Variants in PANK2 observed in about 807,000 individuals in gnomAD.
PANK2 encodes pantothenate kinase 2, mitochondrial.
PANK2 carries 36 observed loss-of-function variants against 43.1 expected under a neutral mutation model. The observed-to-expected ratio is 0.84, with a 90% confidence interval of 0.64 to 1.10. The LOEUF is 1.10. Ranked by LOEUF, PANK2 falls within the 50% of genes least tolerant of loss-of-function variation. The pLI is 0.00. For missense variants in PANK2, 576 were observed against 593.3 expected, an observed-to-expected ratio of 0.97 and a Z score of 0.30; for synonymous variants, 281 against 238.2, an observed-to-expected ratio of 1.18 and a Z score of -1.66.
chr20:3,910,728 A>G lies in PANK2; in HGVS notation c.803A>G (p.Asp268Gly), dbSNP rs562740927. 75 of 1,614,158 alleles carry G rather than the reference A, an allele frequency of 4.6e-5. No homozygotes were observed. In the East Asian group the frequency reaches 1.6e-3, roughly 35 times the overall value. ...GAAAAGTGTCAGAAGTTACCATTTG[A>G]TTTGAAAAATCCGTATCCTCTGCTT... The change falls in exon 3 of 7, where the codon GAT becomes GGT. Residue 268 changes from aspartate to glycine, a missense_variant. Asp to Gly is a moderately conservative substitution (Grantham distance 94). Around this residue, in one of 2 missense-constraint regions of PANK2, gnomAD observed 544 missense variants for 528.9 expected, o/e 1.03. Transcript: ENST00000610179.
At chr20:3,913,992 T>G (rs963386879) in intron 4 of PANK2, among the ~76,000 whole-genome samples, 12 of 151,814 alleles carry the variant, frequency 7.9e-5, no homozygotes, top group Non-Finnish European at 1.6e-4. Context: ...GGTTTCACTA[T>G]GTTGGCCAGG....
chr20:3,889,446 G>A lies in PANK2; in HGVS notation c.16G>A (p.Gly6Arg). Residue 6 changes from glycine (G) to arginine (R), a missense_variant, in exon 1 of 7, where the codon GGG becomes AGG. Physicochemically the swap from Gly to Arg is moderately radical, Grantham distance 125. This residue lies in a region of PANK2 where 544 missense variants were observed against 528.9 expected (regional missense o/e 1.03). Transcript: ENST00000610179. ...GAATCCGACGCTGGGGGGCTTGCTC[G>A]GGCGGCAGCGACTGCTGCTGCGGAT... 1 of 1,552,510 alleles carries A rather than the reference G, an allele frequency of 6.4e-7. No individual in the cohort carries two copies. Among genetic ancestry groups the A allele is most frequent in the Non-Finnish European group, 8.7e-7 (1 of 1,155,582 alleles).
chr20:3,898,058 A>G (rs1306983056), intron 1 of PANK2, among the ~76,000 whole-genome samples: 1 of 152,146 alleles, frequency 6.6e-6, no homozygotes, highest in Non-Finnish European at 1.5e-5. Flanking sequence ...GTTTTTTGGA[A>G]TCTGTTGAGA....
chr20:3,918,157 C>T (rs764672217), intron 5 of PANK2, among the ~76,000 whole-genome samples: 5 of 152,196 alleles, frequency 3.3e-5, no homozygotes, highest in Non-Finnish European at 7.3e-5. Context: ...CAATTTAGAT[C>T]ATCTTTAGCG....
intron 1 of PANK2, among the ~76,000 whole-genome samples, chr20:3,901,256 A>C (rs766889648): frequency 1.1e-4 from 16 of 151,748 alleles, no homozygotes; most frequent in Non-Finnish European, 1.0e-4. Context: ...TGTGTTGTCC[A>C]GGCTGGTCTC....
chr20:3,889,417 G>A lies in PANK2; in HGVS notation c.-14G>A. Reference sequence around the variant, plus strand: ...GGCTGGACTGCCGCGGAGGAGGCGAGAAGGAATCCGACGCTGGGGGGCTTG... The same window carrying A: ...GGCTGGACTGCCGCGGAGGAGGCGAAAAGGAATCCGACGCTGGGGGGCTTG... On this transcript the variant is annotated 5_prime_UTR_variant, in exon 1 of 7. Coordinates refer to ENST00000610179, the MANE Select transcript of PANK2 (RefSeq NM_001386393.1). The A allele has an allele frequency of 1.9e-6, 3 of 1,570,326 alleles. No homozygotes were observed. The highest frequency in any genetic ancestry group is 2.6e-6 in the Non-Finnish European group (3 of 1,161,736).
rs1191119236 is a variant in PANK2, at chr20:3,910,671, A to G, written c.746A>G (p.Gln249Arg). The change falls in exon 3 of 7, where the codon CAG (glutamine) becomes CGG (arginine). Residue 249 changes from glutamine to arginine, a missense_variant. Physicochemically the swap from Gln to Arg is conservative, Grantham distance 43. Coordinates refer to ENST00000610179, the MANE Select transcript of PANK2 (RefSeq NM_001386393.1). ...TCAGTCGGATTCAATGGACGGTCAC[A>G]GTGCTATTACTTTGAAAACCCTGCT... 19 of 1,614,112 alleles carry G rather than the reference A, an allele frequency of 1.2e-5. No individual in the cohort carries two copies. The highest frequency in any genetic ancestry group is 1.4e-5 in the Non-Finnish European group (16 of 1,180,046).
At chr20:3,913,884 G>T (rs1312874510) in intron 4 of PANK2, among the ~76,000 whole-genome samples, 1 of 150,806 alleles carries the variant, frequency 6.6e-6, no homozygotes, top group Non-Finnish European at 1.5e-5. Context: ...TAGCTCCTGG[G>T]TTCATGCCAT....
At position 3,923,557 on chromosome 20, in the gene PANK2, T is replaced by C. The variant is rs2090679864; in HGVS notation, c.*263T>C. The stretch of plus-strand genomic sequence containing the variant: ...TTTGCTGTATATAAGTTGCCTGCTT[T>C]GTATTTTTGAAATCTCTGCATCACT... On this transcript the variant is annotated 3_prime_UTR_variant, in exon 7 of 7. Coordinates refer to ENST00000610179, the MANE Select transcript of PANK2 (RefSeq NM_001386393.1). The C allele has an allele frequency of 1.9e-6, 1 of 537,030 alleles. No individual in the cohort carries two copies. The highest frequency in any genetic ancestry group is 3.3e-6 in the Non-Finnish European group (1 of 299,422). The allele number at this position is 537,030 out of a possible 1,614,324, so 33.3% of individuals were successfully genotyped here. A position where few individuals can be genotyped will look rare whatever the true frequency, so the allele number is the denominator to read the frequency against.
rs558504902 is a variant in PANK2, at chr20:3,914,511, T to G, written c.1082+1877T>G. ...TTTGTAGAGATAGGGTCTTGCTATG[T>G]TGCCTAGGCTGTCCTGGCCTCAAGT... On this transcript the variant is annotated intron_variant, in intron 4 of 6. Coordinates refer to ENST00000610179, the MANE Select transcript of PANK2 (RefSeq NM_001386393.1). Among the ~76,000 whole-genome samples, 195 of 151,980 alleles carry G rather than the reference T, an allele frequency of 1.3e-3. 2 individuals are homozygous for G. The highest frequency in any genetic ancestry group is 2.2e-3 in the Non-Finnish European group (150 of 67,898).
intron 6 of PANK2, among the ~76,000 whole-genome samples, chr20:3,923,025 C>A (rs2090670824): frequency 6.6e-6 from 1 of 152,186 alleles, no homozygotes; most frequent in Admixed American, 6.5e-5. Context: ...TCACAGTGGT[C>A]TGAAGTGCTT....
intron 2 of PANK2, among the ~76,000 whole-genome samples, chr20:3,909,621 G>A (rs973186092): frequency 6.6e-6 from 1 of 152,084 alleles, no homozygotes; most frequent in South Asian, 2.1e-4. Flanking sequence ...ACGGAGTCTC[G>A]CCCTGTCACC....
chr20:3,894,431 G>A (rs6139228), intron 1 of PANK2, among the ~76,000 whole-genome samples: 1 of 150,578 alleles, frequency 6.6e-6, no homozygotes, highest in Non-Finnish European at 1.5e-5. Flanking sequence ...GTAGAGACAA[G>A]GTTTCTCCAT....
At chr20:3,893,169 A>G (rs1030557715) in intron 1 of PANK2, among the ~76,000 whole-genome samples, 7 of 152,174 alleles carry the variant, frequency 4.6e-5, no homozygotes, top group Non-Finnish European at 8.8e-5. Flanking sequence ...AAACAGGCTC[A>G]GTGAAATTGT....
At chr20:3,911,583 C>A (rs1223912017) in intron 3 of PANK2, among the ~76,000 whole-genome samples, 3 of 145,914 alleles carry the variant, frequency 2.1e-5, no homozygotes, top group African/African-American at 2.5e-5. Context: ...GACTCCGTCT[C>A]AAAAAAAAAA....
At chr20:3,891,789 TG>T (rs1223914530) in intron 1 of PANK2, among the ~76,000 whole-genome samples, 1 of 152,198 alleles carries the variant, frequency 6.6e-6, no homozygotes, top group Non-Finnish European at 1.5e-5. Flanking sequence ...CGGTTTACAC[TG>T]GGTGGGGAGA....
rs2090777484 is a variant in PANK2 at position 3,929,062 on chromosome 20, G to C, written c.*5768G>C. ...GGGTTTCACCATATTGGTCAGGCTG[G>C]TCTTGAACTCTTGACCTAAGGTGAT... On this transcript the variant is annotated 3_prime_UTR_variant, in exon 7 of 7. Coordinates refer to ENST00000610179, the MANE Select transcript of PANK2 (RefSeq NM_001386393.1). 1.3e-5 allele frequency: 2 copies of C among 152,112 alleles called. No homozygotes were observed. The highest frequency in any genetic ancestry group is 4.8e-5 in the African/African-American group (2 of 41,408). The allele number at this position is 152,112 out of a possible 1,614,324, so 9.4% of individuals were successfully genotyped here. A position where few individuals can be genotyped will look rare whatever the true frequency, so the allele number is the denominator to read the frequency against.
At chr20:3,901,899 C>T (rs1600515529) in intron 1 of PANK2, among the ~76,000 whole-genome samples, 1 of 151,986 alleles carries the variant, frequency 6.6e-6, no homozygotes, top group Admixed American at 6.6e-5. Flanking sequence ...GCTCCGTTGT[C>T]TTCTGGCATC....
chr20:3,916,804 A>C, intron 4 of PANK2, 123 bp from the exon 5 acceptor site: 1 of 1,384,976 alleles, frequency 7.2e-7, no homozygotes, highest in Non-Finnish European at 1.0e-6. Context: ...GCAAAATAAA[A>C]GGTTTGAAGA....
Sources: allele counts gnomAD v4.1 joint callset (sites outside exome capture counted in the v4.1 genomes callset), GRCh38; gene constraint gnomAD v4.1.1; regional missense constraint gnomAD v4.1.1; transcripts MANE v1.5; gene names NCBI Gene and HGNC (gene_info 2026-07-23, HGNC 2026-07-21).